The following DNAAF9 variants were observed in gnomAD, a reference collection of about 807,000 sequenced individuals.
The protein encoded by DNAAF9 is shulin.
Under a neutral mutation model 167.0 loss-of-function variants are expected in DNAAF9, and 90 were observed. The ratio of observed to expected loss-of-function variants is 0.54; its 90% CI spans 0.45 to 0.64. DNAAF9 has a LOEUF of 0.64. Ranked by LOEUF, DNAAF9 falls within the 30% of genes least tolerant of loss-of-function variation. The pLI is 0.00. For synonymous variants in DNAAF9, 491 were observed against 508.8 expected (o/e 0.96, Z 0.47); for missense variants, 1,315 against 1,442.2 (o/e 0.91, Z 1.43).
At chr20:3,334,023 T>C (rs1035495877) in intron 10 of DNAAF9, among the ~76,000 whole-genome samples, 1 of 152,152 alleles carries the variant, frequency 6.6e-6, no homozygotes, top group Admixed American at 6.5e-5. Flanking sequence ...TGGAAGACTA[T>C]AAAAAACAAG....
chr20:3,301,346 C>T (rs1442849220), intron 21 of DNAAF9, among the ~76,000 whole-genome samples: 3 of 152,170 alleles, frequency 2.0e-5, no homozygotes, highest in Non-Finnish European at 4.4e-5. Flanking sequence ...CAGCACCATG[C>T]CCAGCTAATT....
chr20:3,381,195 A>G (rs1568640081), intron 3 of DNAAF9, among the ~76,000 whole-genome samples, 184 bp downstream of exon 3: 1 of 152,206 alleles, frequency 6.6e-6, no homozygotes, highest in Non-Finnish European at 1.5e-5. Flanking sequence ...TCTGAAAACT[A>G]CTTGTTGCTA....
chr20:3,364,867 C>T (rs1050548660), intron 6 of DNAAF9, among the ~76,000 whole-genome samples: 1 of 151,816 alleles, frequency 6.6e-6, no homozygotes, highest in African/African-American at 2.4e-5. Context: ...CTGCGGCAAT[C>T]CCTTTCCCTC....
chr20:3,373,147 T>C (rs1458812323), intron 6 of DNAAF9, among the ~76,000 whole-genome samples: 1 of 152,226 alleles, frequency 6.6e-6, no homozygotes, highest in Non-Finnish European at 1.5e-5. Context: ...CCACAGCCCA[T>C]GCTGCTCCAT....
chr20:3,279,750 A>G (rs1425012525), intron 28 of DNAAF9, among the ~76,000 whole-genome samples: 8 of 152,332 alleles, frequency 5.3e-5, no homozygotes, highest in Middle Eastern at 3.4e-3. Context: ...ACGGCTAAAC[A>G]CACTAAGCTT....
rs771285257 is a variant in DNAAF9 at position 3,270,518 on chromosome 20, G to A, written c.2695C>T (p.Arg899Trp). ...VVFTSHTTEQ[R>W]HPLLVQLQSL... Reference sequence around the variant, plus strand: ...TGCAGCTGAACAAGGAGAGGGTGCCGCTGCTCCGTGGTGTGACTGGTGAAT... The same window carrying A: ...TGCAGCTGAACAAGGAGAGGGTGCCACTGCTCCGTGGTGTGACTGGTGAAT... Residue 899 changes from arginine to tryptophan, a missense_variant, in exon 30 of 37, where the codon CGG becomes TGG. Around this residue, in one of 2 missense-constraint regions of DNAAF9, gnomAD observed 334 missense variants for 429.7 expected, o/e 0.78. Transcript: ENST00000252032. The A allele has an allele frequency of 1.8e-5, 29 of 1,612,482 alleles. No individual in the cohort carries two copies. Among genetic ancestry groups the A allele is most frequent in the African/African-American group, 6.7e-5 (5 of 74,870 alleles).
rs79897324 is a variant in DNAAF9 at position 3,333,667 on chromosome 20, C to T, written c.982-1306G>A. Reference sequence around the variant, plus strand: ...AATTAAAACATGTTCCTTGGATCTCCAATTTTCCCTTATTAAAGGTTTTTT... The same window carrying T: ...AATTAAAACATGTTCCTTGGATCTCTAATTTTCCCTTATTAAAGGTTTTTT... On this transcript the variant is annotated intron_variant, in intron 10 of 36. Coordinates refer to ENST00000252032, the MANE Select transcript of DNAAF9 (RefSeq NM_001009984.3). Among the ~76,000 whole-genome samples the T allele has an allele frequency of 6.7e-5, 10 of 148,832 alleles. No homozygotes were observed. The East Asian group carries it at 1.8e-3, about 26-fold the overall frequency.
At chr20:3,313,941 C>T (rs146942561) in intron 20 of DNAAF9, among the ~76,000 whole-genome samples, 16 of 152,114 alleles carry the variant, frequency 1.1e-4, no homozygotes, top group Non-Finnish European at 2.2e-4. Context: ...GGCCTTGAAA[C>T]CTTATCAAGG....
chr20:3,310,156 C>T (rs1468373867), intron 20 of DNAAF9, among the ~76,000 whole-genome samples: 1 of 151,518 alleles, frequency 6.6e-6, no homozygotes, highest in Non-Finnish European at 1.5e-5. Flanking sequence ...CGTGCCATTG[C>T]ACTCTAGCCC....
chr20:3,290,051 T>C (rs1422159402), intron 26 of DNAAF9, 78 bp downstream of exon 26: 5 of 870,194 alleles, frequency 5.7e-6, no homozygotes, highest in Non-Finnish European at 9.9e-6. Flanking sequence ...GGCCAGTACA[T>C]GTCTAAGGTT....
At chr20:3,343,264 G>A (rs1280494355) in intron 9 of DNAAF9, among the ~76,000 whole-genome samples, 2 of 152,104 alleles carry the variant, frequency 1.3e-5, no homozygotes, top group Non-Finnish European at 1.5e-5. Context: ...CTGGGTTCAA[G>A]TGATTCTCCT....
intron 1 of DNAAF9, among the ~76,000 whole-genome samples, chr20:3,401,191 T>C (rs1015182528): frequency 2.2e-4 from 33 of 152,206 alleles, no homozygotes; most frequent in East Asian, 5.8e-4. Context: ...AGAGTATCAC[T>C]ATCATGAATC....
chr20:3,342,960 T>C (rs942498376), intron 9 of DNAAF9, among the ~76,000 whole-genome samples: 4 of 152,198 alleles, frequency 2.6e-5, no homozygotes, highest in African/African-American at 9.6e-5. Context: ...CCTCGGACTA[T>C]GCATATGTCA....
At chr20:3,253,643 G>A in intron 36 of DNAAF9, 83 bp downstream of exon 36, 1 of 842,752 alleles carries the variant, frequency 1.2e-6, no homozygotes, top group Non-Finnish European at 2.1e-6. Flanking sequence ...GGCTCTGGCA[G>A]ACAACCGCTT....
intron 35 of DNAAF9, among the ~76,000 whole-genome samples, chr20:3,254,138 G>A (rs974511358): frequency 6.6e-6 from 1 of 152,032 alleles, no homozygotes; most frequent in Admixed American, 6.6e-5. Context: ...GAGTGCAGTG[G>A]CGTGATCTTG....
At chr20:3,340,814 C>T in intron 9 of DNAAF9, 175 bp from the exon 10 acceptor site, 1 of 612,390 alleles carries the variant, frequency 1.6e-6, no homozygotes, top group Non-Finnish European at 3.0e-6. Flanking sequence ...TGCCAGCTGT[C>T]TCCCTACTGA....
At chr20:3,362,224 C>CT (rs1440290344) in intron 6 of DNAAF9, 1 of 1,418,120 alleles carries the variant, frequency 7.1e-7, no homozygotes, top group Non-Finnish European at 9.9e-7. Context: ...TAGACCCCAG[C>CT]TAACTGTGTC....
At chr20:3,389,552 A>G (rs2083797332) in intron 1 of DNAAF9, among the ~76,000 whole-genome samples, 1 of 151,892 alleles carries the variant, frequency 6.6e-6, no homozygotes, top group Non-Finnish European at 1.5e-5. Flanking sequence ...GGATCAACTG[A>G]GGTCAGGAGT....
chr20:3,281,702 A>C lies in DNAAF9; in HGVS notation c.2551T>G (p.Ser851Ala), dbSNP rs2068766807. 3.1e-6 allele frequency: 5 copies of C among 1,612,656 alleles called. No individual in the cohort carries two copies. Among genetic ancestry groups the C allele is most frequent in the Non-Finnish European group, 4.2e-6 (5 of 1,179,374 alleles). ...GCTGTGATGGCACCAATGGTGAAGGAGGCCTTGACATTTGAGTCTGGGTGG... is the reference window on the plus strand; with the variant it reads ...GCTGTGATGGCACCAATGGTGAAGGCGGCCTTGACATTTGAGTCTGGGTGG... ...QTHPDSNVKA[S>A]FTIGAITACV... The change falls in exon 28 of 37, where the codon TCC (serine) becomes GCC (alanine). Residue 851 changes from serine to alanine, a missense_variant. Coordinates refer to ENST00000252032, the MANE Select transcript of DNAAF9 (RefSeq NM_001009984.3).
Sources: gnomAD v4.1 joint callset for allele counts (sites outside exome capture counted in the v4.1 genomes callset) on GRCh38, gnomAD v4.1.1 for gene constraint, gnomAD v4.1.1 regional missense constraint, MANE v1.5 for transcripts, NCBI Gene and HGNC (gene_info 2026-07-23, HGNC 2026-07-21) for gene names.